Variants in RFFL observed in about 807,000 individuals in gnomAD.
RFFL encodes the protein ring finger and FYVE like domain containing E3 ubiquitin protein ligase, also known as E3 ubiquitin-protein ligase rififylin.
A neutral mutation model predicts 40.4 loss-of-function variants in RFFL; 16 were observed. The observed-to-expected ratio is 0.40, with a 90% CI of 0.27 to 0.60. The LOEUF (loss-of-function observed/expected upper bound fraction) is 0.60. RFFL is among the 20% of genes least tolerant of loss of function. The pLI is 0.47. For synonymous variants in RFFL, 154 were observed against 167.9 expected, an observed-to-expected ratio of 0.92 and a Z score of 0.64; for missense variants, 367 against 451.7, an observed-to-expected ratio of 0.81 and a Z score of 1.70.
At chr17:35,082,480 C>G (rs1286982646) in intron 1 of RFFL, among the ~76,000 whole-genome samples, 1 of 152,216 alleles carries the variant, frequency 6.6e-6, no homozygotes, top group Non-Finnish European at 1.5e-5. Context: ...TGCCAACACT[C>G]CACTCATTCT....
chr17:35,081,488 T>C (rs552492283), intron 1 of RFFL, among the ~76,000 whole-genome samples: 2 of 152,324 alleles, frequency 1.3e-5, no homozygotes, highest in Non-Finnish European at 2.9e-5. Flanking sequence ...AGTGTAACTG[T>C]AATATACTTA....
In RFFL at chr17:35,008,615, G is replaced by GT. The variant is rs1223612562; in HGVS notation, c.*3352dup. The stretch of plus-strand genomic sequence containing the variant: ...ACGGCTAATTTTTTGGTTTTTTTGG[G>GT]TTTTTTGTTTGTGTTTTTTTTTGTT... On this transcript the variant is annotated 3_prime_UTR_variant, in exon 7 of 7. Coordinates refer to ENST00000394597, the MANE Select transcript of RFFL (RefSeq NM_001017368.2). 2 of 151,436 alleles carry GT rather than the reference G, an allele frequency of 1.3e-5. No homozygotes were observed. Among genetic ancestry groups the GT allele is most frequent in the African/African-American group, 2.4e-5 (1 of 41,122 alleles). 9.4% of individuals were successfully genotyped at this position (151,436 alleles called of 1,614,324 possible).
chr17:35,017,819 C>T (rs1225987235), intron 3 of RFFL, among the ~76,000 whole-genome samples: 1 of 152,118 alleles, frequency 6.6e-6, no homozygotes, highest in Non-Finnish European at 1.5e-5. Context: ...ACAAAGCTGC[C>T]CTCTAGAACA....
At chr17:35,022,763 T>C (rs2091017491) in intron 2 of RFFL, among the ~76,000 whole-genome samples, 1 of 151,998 alleles carries the variant, frequency 6.6e-6, no homozygotes, top group Admixed American at 6.6e-5. Context: ...CCACTCAGAG[T>C]GCTGGGAACC....
chr17:35,016,686 C>T (rs2090975804), intron 4 of RFFL, 106 bp from the exon 5 acceptor site: 1 of 818,520 alleles, frequency 1.2e-6, no homozygotes, highest in Non-Finnish European at 2.0e-6. Context: ...TGACTGACCT[C>T]ATGAAGGGTA....
chr17:35,020,902 T>C (rs982678144), intron 3 of RFFL, among the ~76,000 whole-genome samples: 1 of 152,164 alleles, frequency 6.6e-6, no homozygotes, highest in Non-Finnish European at 1.5e-5. Flanking sequence ...AGAGAAGCAG[T>C]GTCTTTGTCT....
intron 1 of RFFL, among the ~76,000 whole-genome samples, chr17:35,072,827 T>G (rs1463556340): frequency 6.6e-6 from 1 of 152,096 alleles, no homozygotes; most frequent in South Asian, 2.1e-4. Context: ...GTGGATCACC[T>G]GAGGTGGAGA....
At chr17:35,082,390 C>G (rs1267530661) in intron 1 of RFFL, among the ~76,000 whole-genome samples, 1 of 152,232 alleles carries the variant, frequency 6.6e-6, no homozygotes, top group Non-Finnish European at 1.5e-5. Flanking sequence ...CTAGCCTAAT[C>G]TGGGCTACCG....
chr17:35,059,531 G>T (rs1280987017), intron 1 of RFFL, among the ~76,000 whole-genome samples: 6 of 152,208 alleles, frequency 3.9e-5, no homozygotes, highest in Non-Finnish European at 8.8e-5. Context: ...TGGTTGTCAT[G>T]TTATGCCACC....
At chr17:35,066,548 A>G (rs2091321893), upstream of RFFL, among the ~76,000 whole-genome samples, 1 of 152,174 alleles carries the variant, frequency 6.6e-6, no homozygotes, top group Admixed American at 6.5e-5. Flanking sequence ...TTTTACAACA[A>G]GCATATATTC....
chr17:35,073,251 T>C (rs531129006), intron 1 of RFFL, among the ~76,000 whole-genome samples: 2 of 152,260 alleles, frequency 1.3e-5, no homozygotes, highest in African/African-American at 4.8e-5. Context: ...CATCACAATA[T>C]TTTTATCGAG....
chr17:35,079,080 G>A (rs1344607497), intron 1 of RFFL, among the ~76,000 whole-genome samples: 2 of 151,976 alleles, frequency 1.3e-5, no homozygotes, highest in Non-Finnish European at 2.9e-5. Context: ...TTCCTGACAC[G>A]ATATTCAGAA....
intron 2 of RFFL, among the ~76,000 whole-genome samples, chr17:35,023,580 G>A (rs2091022615): frequency 6.6e-6 from 1 of 152,312 alleles, no homozygotes; most frequent in East Asian, 1.9e-4. Flanking sequence ...CACATCTAAA[G>A]CTTTTCTATT....
Position 35,010,689 on chromosome 17 carries a change from T to C in RFFL, c.*1279A>G, listed in dbSNP as rs897384699. ...ATAGCTTGAACCTGGGAGGTGGAGG[T>C]TGCAGTAAGCCAAGACTGTACCACT... On this transcript the variant is annotated 3_prime_UTR_variant, in exon 7 of 7. Coordinates refer to ENST00000394597, the MANE Select transcript of RFFL (RefSeq NM_001017368.2). 2.0e-5 allele frequency: 3 copies of C among 150,370 alleles called. No individual in the cohort carries two copies. Among genetic ancestry groups the C allele is most frequent in the African/African-American group, 4.9e-5 (2 of 40,506 alleles). The allele number at this position is 150,370 out of a possible 1,614,324, so 9.3% of individuals were successfully genotyped here. A position where few individuals can be genotyped will look rare whatever the true frequency, so the allele number is the denominator to read the frequency against.
intron 1 of RFFL, among the ~76,000 whole-genome samples, chr17:35,055,680 AC>A (rs761554569): frequency 0.021 from 3,012 of 145,888 alleles, 160 homozygotes; most frequent in African/African-American, 0.072. Context: ...TCAAAAAAAA[AC>A]AAACAAACAA....
At chr17:35,038,870 T>C (rs1047778973) in intron 1 of RFFL, among the ~76,000 whole-genome samples, 1 of 152,232 alleles carries the variant, frequency 6.6e-6, no homozygotes, top group Admixed American at 6.5e-5. Flanking sequence ...ATAATTTATA[T>C]ACTTCTCTAG....
At chr17:35,029,368 G>A (rs1345820246) in intron 1 of RFFL, among the ~76,000 whole-genome samples, 3 of 148,408 alleles carry the variant, frequency 2.0e-5, no homozygotes, top group Admixed American at 6.7e-5. Context: ...TTTGAGACAG[G>A]GGTCTCACTC....
At chr17:35,057,339 C>T (rs1372413883) in intron 1 of RFFL, among the ~76,000 whole-genome samples, 3 of 152,072 alleles carry the variant, frequency 2.0e-5, no homozygotes, top group Non-Finnish European at 4.4e-5. Flanking sequence ...ACTCACCTTG[C>T]TCTGTCCTTC....
chr17:35,044,148 G>A lies in RFFL; in HGVS notation c.-8-17587C>T, dbSNP rs114100646. 3.8e-3 allele frequency among the ~76,000 whole-genome samples: 576 copies of A among 152,268 alleles called. 3 individuals are homozygous for A. The highest frequency in any genetic ancestry group is 0.013 in the African/African-American group (525 of 41,536). On this transcript the variant is annotated intron_variant, in intron 1 of 6. Coordinates refer to ENST00000394597, the MANE Select transcript of RFFL (RefSeq NM_001017368.2). The stretch of plus-strand genomic sequence containing the variant: ...CTGTCACCCAGCCTGGAGTGCATTG[G>A]CACCATCATAGCAAACTGTAGCCTT...
Sources: allele counts gnomAD v4.1 joint callset (sites outside exome capture counted in the v4.1 genomes callset), GRCh38; gene constraint gnomAD v4.1.1; transcripts MANE v1.5; gene names NCBI Gene and HGNC (gene_info 2026-07-23, HGNC 2026-07-21).